Variants in PPP1R12C observed in about 807,000 individuals in gnomAD.
PPP1R12C encodes the protein leukocyte receptor cluster (LRC) encoded novel gene 3.
In PPP1R12C, 48 loss-of-function variants were observed where a neutral mutation model predicts 95.6. The ratio of observed to expected loss-of-function variants is 0.50; its 90% CI spans 0.40 to 0.64. PPP1R12C has a LOEUF of 0.64. PPP1R12C is among the 30% of genes least tolerant of loss of function. PPP1R12C has a pLI of 0.00. For missense variants in PPP1R12C, 1,057 were observed against 1,083.3 expected (o/e 0.98, Z 0.34); for synonymous variants, 480 against 460.8 (o/e 1.04, Z -0.53).
chr19:55,097,897 C>T (rs2084940022), intron 6 of PPP1R12C, among the ~76,000 whole-genome samples: 1 of 152,148 alleles, frequency 6.6e-6, no homozygotes, highest in Non-Finnish European at 1.5e-5. Context: ...AGCCACCATG[C>T]TCCTCGCCTG....
chr19:55,095,753 C>T (rs892466974), intron 9 of PPP1R12C, 114 bp downstream of exon 9: 1 of 1,523,526 alleles, frequency 6.6e-7, no homozygotes, highest in Admixed American at 1.7e-5. Flanking sequence ...TCCAGGACGA[C>T]TCTGGGAACT....
intron 19 of PPP1R12C, 125 bp from the exon 20 acceptor site, chr19:55,092,034 AG>A (rs1435889194): frequency 4.7e-6 from 6 of 1,272,948 alleles, no homozygotes; most frequent in Non-Finnish European, 6.7e-6. Flanking sequence ...CCCACGGGCC[AG>A]GCCCCGCCAC....
rs1057001573 is a variant in PPP1R12C, at chr19:55,112,806, G to A, written c.322-11C>T. ...CTCATCAATGCAGGCCTGGGGGTGG[G>A]AAACAGCCGTCAGCCGCACCTACCC... On this transcript the variant is annotated splice_polypyrimidine_tract_variant and intron_variant, in intron 1 of 21. Coordinates refer to ENST00000263433, the MANE Select transcript of PPP1R12C (RefSeq NM_017607.4). 1 of 1,611,186 alleles carries A rather than the reference G, an allele frequency of 6.2e-7. No individual in the cohort carries two copies. Among genetic ancestry groups the A allele is most frequent in the Non-Finnish European group, 8.5e-7 (1 of 1,179,794 alleles).
chr19:55,103,976 C>A (rs1227312235), intron 3 of PPP1R12C, among the ~76,000 whole-genome samples: 2 of 142,986 alleles, frequency 1.4e-5, no homozygotes, highest in Non-Finnish European at 3.0e-5. Flanking sequence ...ACAGTGAAAC[C>A]CCATCTCTAC....
intron 4 of PPP1R12C, 135 bp from the exon 5 acceptor site, chr19:55,099,230 C>T (rs2084955797): frequency 2.9e-6 from 3 of 1,050,716 alleles, no homozygotes; most frequent in Non-Finnish European, 4.0e-6. Context: ...TAAAGAGCCA[C>T]TGCCCAGCAT....
intron 3 of PPP1R12C, among the ~76,000 whole-genome samples, chr19:55,107,117 A>T (rs2085046578): frequency 6.9e-6 from 1 of 145,542 alleles, no homozygotes; most frequent in Non-Finnish European, 1.5e-5. Context: ...GACTGCCTTT[A>T]AAAAAAAAAA....
At chr19:55,113,412 C>A in intron 1 of PPP1R12C, 3 of 1,492,370 alleles carry the variant, frequency 2.0e-6, no homozygotes, top group South Asian at 1.3e-5. Context: ...GGGCCCCAGG[C>A]TGTCACACTC....
rs200429862 is a variant in PPP1R12C, at chr19:55,092,875, G to T, written c.1826-7C>A. 141 of 1,597,348 alleles carry T rather than the reference G, an allele frequency of 8.8e-5. No individual in the cohort carries two copies. Among genetic ancestry groups the T allele is most frequent in the Non-Finnish European group, 1.2e-4 (139 of 1,172,924 alleles). ...TGCCCGTCGGGCGCCTCTGCTGGGG[G>T]AGGGGCAGGAATCAGCCCAGGCACC... On this transcript the variant is annotated splice_region_variant and splice_polypyrimidine_tract_variant and intron_variant, in intron 15 of 21. Coordinates refer to ENST00000263433, the MANE Select transcript of PPP1R12C (RefSeq NM_017607.4).
intron 3 of PPP1R12C, among the ~76,000 whole-genome samples, chr19:55,106,711 C>A (rs532907528): frequency 1.3e-5 from 2 of 152,202 alleles, no homozygotes; most frequent in African/African-American, 2.4e-5. Context: ...CTTGGGCCTA[C>A]GAAAATCCAT....
intron 4 of PPP1R12C, among the ~76,000 whole-genome samples, chr19:55,099,702 G>A (rs540022270): frequency 6.6e-6 from 1 of 152,284 alleles, no homozygotes; most frequent in East Asian, 1.9e-4. Context: ...ACAAGGAGAG[G>A]GACCTGACCC....
intron 3 of PPP1R12C, among the ~76,000 whole-genome samples, chr19:55,110,004 C>T (rs930024820): frequency 6.6e-6 from 1 of 152,192 alleles, no homozygotes; most frequent in Non-Finnish European, 1.5e-5. Flanking sequence ...GTATCCCTCC[C>T]AGCCTTCTCC....
intron 20 of PPP1R12C, 58 bp downstream of exon 20, chr19:55,091,801 A>C: frequency 6.2e-7 from 1 of 1,612,212 alleles, no homozygotes; most frequent in Non-Finnish European, 8.5e-7. Context: ...CTTGGTCCAA[A>C]CTTAGGGATG....
At chr19:55,091,944 A>G (rs959029365) in intron 19 of PPP1R12C, 35 bp from the exon 20 acceptor site, 1 of 1,611,312 alleles carries the variant, frequency 6.2e-7, no homozygotes, top group Non-Finnish European at 8.5e-7. Flanking sequence ...GGGTCAGCAG[A>G]AGAAGCCAGC....
Position 55,094,404 on chromosome 19 carries a change from ACTC to A in PPP1R12C, c.1621_1623del (p.Glu541del), listed in dbSNP as rs1568805932. On this transcript the variant is annotated inframe_deletion, in exon 13 of 22. Transcript: ENST00000263433. The stretch of plus-strand genomic sequence containing the variant: ...GAGCGAGCTTTTCTCTGGGATTCCG[ACTC>A]CTCATCCCGCACAGGCATCTGGTAG... 4 of 1,612,480 alleles carry A rather than the reference ACTC, an allele frequency of 2.5e-6. No individual in the cohort carries two copies. Among genetic ancestry groups the A allele is most frequent in the Non-Finnish European group, 3.4e-6 (4 of 1,179,710 alleles).
chr19:55,112,849 C>G, intron 1 of PPP1R12C, 54 bp from the exon 2 acceptor site: 1 of 1,602,790 alleles, frequency 6.2e-7, no homozygotes, highest in Non-Finnish European at 8.5e-7. Context: ...GGTGTCCCAG[C>G]AAGTCGGGAC....
intron 11 of PPP1R12C, 142 bp from the exon 12 acceptor site, chr19:55,094,940 G>T: frequency 3.0e-6 from 3 of 1,000,548 alleles, no homozygotes; most frequent in Admixed American, 2.1e-5. Context: ...ACCCACAAAA[G>T]CCATGAAAAG....
chr19:55,110,305 G>C (rs1421740984), intron 3 of PPP1R12C, among the ~76,000 whole-genome samples: 1 of 151,818 alleles, frequency 6.6e-6, no homozygotes, highest in African/African-American at 2.4e-5. Context: ...GGGTGAGAGT[G>C]TAGCATCAAG....
At chr19:55,095,783 C>T (rs2147183539) in intron 9 of PPP1R12C, 84 bp downstream of exon 9, 2 of 1,548,416 alleles carry the variant, frequency 1.3e-6, no homozygotes, top group Non-Finnish European at 1.8e-6. Flanking sequence ...CCCCTATCTG[C>T]CCCTGCCAGA....
At chr19:55,105,908 C>T (rs2085033139) in intron 3 of PPP1R12C, among the ~76,000 whole-genome samples, 1 of 151,806 alleles carries the variant, frequency 6.6e-6, no homozygotes, top group African/African-American at 2.4e-5. Flanking sequence ...CTCCACCGCA[C>T]TCCAGCCTGG....
Sources: gnomAD v4.1 joint callset for allele counts (sites outside exome capture counted in the v4.1 genomes callset) on GRCh38, gnomAD v4.1.1 for gene constraint, MANE v1.5 for transcripts, NCBI Gene and HGNC (gene_info 2026-07-23, HGNC 2026-07-21) for gene names.